Variants in LARGE1 observed in about 807,000 individuals in gnomAD.
LARGE1 encodes LARGE xylosyl- and glucuronyltransferase 1, also known as xylosyl- and glucuronyltransferase LARGE1.
Under a neutral mutation model 87.6 loss-of-function variants are expected in LARGE1, and 43 were observed. The observed-to-expected ratio is 0.49, with a 90% CI of 0.38 to 0.63. The LOEUF (loss-of-function observed/expected upper bound fraction) is 0.63, where lower values mean the gene tolerates loss of function less well. LARGE1 is among the 30% of genes least tolerant of loss of function. LARGE1 has a pLI of 0.00. For missense variants in LARGE1, 802 were observed against 1,000.2 expected, an observed-to-expected ratio of 0.80 and a Z score of 2.67; for synonymous variants, 434 against 394.6, an observed-to-expected ratio of 1.10 and a Z score of -1.18.
chr22:33,795,554 T>G (rs1333481725), intron 1 of LARGE1, among the ~76,000 whole-genome samples: 1 of 151,824 alleles, frequency 6.6e-6, no homozygotes, highest in African/African-American at 2.4e-5. Context: ...TAAAGACACA[T>G]GCGCACGTAT....
At chr22:33,753,196 G>T (rs1332502876) in intron 2 of LARGE1, among the ~76,000 whole-genome samples, 2 of 152,078 alleles carry the variant, frequency 1.3e-5, no homozygotes, top group Non-Finnish European at 2.9e-5. Flanking sequence ...CTCTAGCCTG[G>T]TGATAGAGCA....
At chr22:33,457,293 C>CTTTTTTTTTTTTTTTTTTT (rs759460321) in intron 6 of LARGE1, among the ~76,000 whole-genome samples, 5 of 74,928 alleles carry the variant, frequency 6.7e-5, no homozygotes, top group Non-Finnish European at 1.0e-4. Flanking sequence ...ACGCCTGGCT[C>CTTTTTTTTTTTTTTTTTTT]TTTTTTTTTT....
At chr22:33,794,879 C>T (rs2085932858) in intron 1 of LARGE1, among the ~76,000 whole-genome samples, 1 of 151,776 alleles carries the variant, frequency 6.6e-6, no homozygotes, top group Non-Finnish European at 1.5e-5. Context: ...CTCCGCCTCC[C>T]AAAGTGCTGG....
At chr22:33,088,449 C>T in the LARGE1 span, among the ~76,000 whole-genome samples, 1 of 152,182 alleles carries the variant, frequency 6.6e-6, no homozygotes, top group Non-Finnish European at 1.5e-5. Context: ...GGTTTTAAAA[C>T]ACAGTCCAAA....
At chr22:33,897,221 A>C (rs2065168721) in intron 1 of LARGE1, among the ~76,000 whole-genome samples, 1 of 152,222 alleles carries the variant, frequency 6.6e-6, no homozygotes, top group Admixed American at 6.5e-5. Flanking sequence ...TTTGCAAAGC[A>C]GCTGGCTACC....
intron 1 of LARGE1, among the ~76,000 whole-genome samples, chr22:33,918,751 G>A (rs1241951263): frequency 6.6e-6 from 1 of 152,172 alleles, no homozygotes; most frequent in Non-Finnish European, 1.5e-5. Flanking sequence ...GAAGTGAGAA[G>A]AAAAATTAAC....
chr22:33,377,570 G>A (rs555835314), intron 9 of LARGE1, among the ~76,000 whole-genome samples: 2 of 152,068 alleles, frequency 1.3e-5, no homozygotes, highest in African/African-American at 2.4e-5. Flanking sequence ...CAGTTTCTTT[G>A]CATGTTTGCA....
chr22:33,475,295 T>C (rs1421150248), intron 6 of LARGE1, among the ~76,000 whole-genome samples: 1 of 152,104 alleles, frequency 6.6e-6, no homozygotes, highest in Non-Finnish European at 1.5e-5. Flanking sequence ...CCTTATTTGT[T>C]AAATAAGGAT....
At chr22:33,468,844 C>T (rs978538150) in intron 6 of LARGE1, among the ~76,000 whole-genome samples, 4 of 152,132 alleles carry the variant, frequency 2.6e-5, no homozygotes, top group South Asian at 2.1e-4. Flanking sequence ...GAATCTCCCC[C>T]CTATATTCCA....
At chr22:33,825,466 G>A (rs1308560278) in intron 1 of LARGE1, among the ~76,000 whole-genome samples, 2 of 151,772 alleles carry the variant, frequency 1.3e-5, no homozygotes, top group Non-Finnish European at 2.9e-5. Context: ...GGCTGGGGAG[G>A]CCTCAGGAAA....
At chr22:33,437,750 C>A (rs543343805) in intron 6 of LARGE1, among the ~76,000 whole-genome samples, 68 of 152,014 alleles carry the variant, frequency 4.5e-4, no homozygotes, top group Non-Finnish European at 8.2e-4. Flanking sequence ...AGACACCACA[C>A]AAAATACTAA....
chr22:33,412,290 C>CAT (rs60502247), intron 7 of LARGE1, among the ~76,000 whole-genome samples: 19,828 of 149,224 alleles, frequency 0.13, 1,409 homozygotes, highest in African/African-American at 0.19. Flanking sequence ...ATCTCAAAGT[C>CAT]ATATATATAT....
intron 2 of LARGE1, among the ~76,000 whole-genome samples, chr22:33,688,314 A>G (rs1177013248): frequency 1.3e-5 from 2 of 152,190 alleles, no homozygotes; most frequent in Non-Finnish European, 2.9e-5. Context: ...CTTTAAGCTC[A>G]GAGTGTCAGA....
At chr22:33,698,779 C>T (rs992233730) in intron 2 of LARGE1, among the ~76,000 whole-genome samples, 7 of 152,244 alleles carry the variant, frequency 4.6e-5, no homozygotes, top group Non-Finnish European at 8.8e-5. Context: ...TTCACACTTG[C>T]AATGTCCACT....
At chr22:33,716,730 T>C (rs936517192) in intron 2 of LARGE1, among the ~76,000 whole-genome samples, 3 of 152,222 alleles carry the variant, frequency 2.0e-5, no homozygotes, top group Non-Finnish European at 2.9e-5. Context: ...GCCTCTATTA[T>C]GTGTCACTTG....
At chr22:33,194,417 G>GT (rs1479935451) in intron 11 of LARGE1, among the ~76,000 whole-genome samples, 1 of 151,922 alleles carries the variant, frequency 6.6e-6, no homozygotes, top group Non-Finnish European at 1.5e-5. Context: ...CATTTGCCAA[G>GT]TTTTTTTTAG....
intron 1 of LARGE1, among the ~76,000 whole-genome samples, chr22:33,863,826 G>A (rs984385268): frequency 2.2e-4 from 34 of 152,042 alleles, no homozygotes; most frequent in African/African-American, 7.5e-4. Flanking sequence ...ATTGAAAACT[G>A]TGGTTCCTGA....
At chr22:33,603,088 T>C (rs74958917) in intron 5 of LARGE1, among the ~76,000 whole-genome samples, 1 of 346 alleles carries the variant, frequency 2.9e-3, no homozygotes. Flanking sequence ...TCAGAATAGA[T>C]TGGGAATGGC....
chr22:33,570,649 A>C (rs1359114903), intron 5 of LARGE1, among the ~76,000 whole-genome samples: 3 of 7,308 alleles, frequency 4.1e-4, no homozygotes, highest in Non-Finnish European at 3.0e-3. Flanking sequence ...TCCATTTCAA[A>C]AAAAAAAAAA....
Sources: allele counts gnomAD v4.1 joint callset (sites outside exome capture counted in the v4.1 genomes callset), GRCh38; gene constraint gnomAD v4.1.1; transcripts MANE v1.5; gene names NCBI Gene and HGNC (gene_info 2026-07-23, HGNC 2026-07-21).